The following ADK variants were observed in gnomAD, a reference collection of about 807,000 sequenced individuals.
ADK encodes the protein N6,N6-dimethyladenosine kinase.
ADK carries 24 observed loss-of-function variants against 44.7 expected under a neutral mutation model. The ratio of observed to expected loss-of-function variants is 0.54; its 90% confidence interval spans 0.39 to 0.76. The LOEUF (loss-of-function observed/expected upper bound fraction) is 0.76, where lower values mean the gene tolerates loss of function less well. Ranked by LOEUF, ADK falls within the 30% of genes least tolerant of loss-of-function variation. ADK has a pLI of 0.00. For synonymous variants in ADK, 128 were observed against 142.6 expected (o/e 0.90, Z 0.73); for missense variants, 321 against 425.1 (o/e 0.76, Z 2.15).
chr10:74,558,002 G>A (rs1850323259), intron 7 of ADK, among the ~76,000 whole-genome samples: 1 of 152,104 alleles, frequency 6.6e-6, no homozygotes, highest in Admixed American at 6.6e-5. Context: ...GCTATGTCAG[G>A]GTCAAGGTAT....
chr10:74,554,692 C>T (rs892366397), intron 7 of ADK, among the ~76,000 whole-genome samples: 8 of 151,504 alleles, frequency 5.3e-5, no homozygotes, highest in Non-Finnish European at 1.0e-4. Context: ...TGCCTGAAAT[C>T]CTAGCACTTT....
chr10:74,439,626 T>G (rs1160283929), intron 6 of ADK, among the ~76,000 whole-genome samples: 1 of 152,184 alleles, frequency 6.6e-6, no homozygotes, highest in African/African-American at 2.4e-5. Context: ...ATAATCTGTC[T>G]TGGCTTCCAA....
chr10:74,303,540 A>G (rs1044395193), intron 3 of ADK, among the ~76,000 whole-genome samples: 2 of 146,102 alleles, frequency 1.4e-5, no homozygotes, highest in African/African-American at 5.1e-5. Context: ...GGAAGATGAA[A>G]GAAAGTATCT....
intron 6 of ADK, among the ~76,000 whole-genome samples, chr10:74,460,265 A>G (rs1846123517): frequency 6.6e-6 from 1 of 152,206 alleles, no homozygotes; most frequent in Non-Finnish European, 1.5e-5. Flanking sequence ...TCTGTATACC[A>G]AAACATCCTC....
At chr10:74,229,999 C>T (rs1844692615) in intron 3 of ADK, among the ~76,000 whole-genome samples, 1 of 150,768 alleles carries the variant, frequency 6.6e-6, no homozygotes, top group Admixed American at 6.6e-5. Context: ...TGATCCGTGC[C>T]ACTGTGCTCC....
intron 10 of ADK, among the ~76,000 whole-genome samples, chr10:74,699,232 G>A (rs1444406848): frequency 6.7e-6 from 1 of 149,994 alleles, no homozygotes; most frequent in South Asian, 2.1e-4. Flanking sequence ...GCCTGAGGCT[G>A]TGTTTCAGTG....
At chr10:74,326,757 C>T (rs181895864) in intron 4 of ADK, among the ~76,000 whole-genome samples, 6 of 151,976 alleles carry the variant, frequency 3.9e-5, no homozygotes, top group South Asian at 2.1e-4. Flanking sequence ...TCTATATCTT[C>T]GTAATTAAAT....
intron 4 of ADK, among the ~76,000 whole-genome samples, chr10:74,346,493 T>G (rs1449187458): frequency 2.6e-5 from 4 of 151,874 alleles, no homozygotes; most frequent in African/African-American, 9.7e-5. Flanking sequence ...ATTTTGATTT[T>G]TTTCTATAAA....
At chr10:74,550,119 G>A (rs1038935289) in intron 7 of ADK, among the ~76,000 whole-genome samples, 4 of 147,584 alleles carry the variant, frequency 2.7e-5, no homozygotes, top group African/African-American at 1.0e-4. Context: ...CGCCCAGGCT[G>A]CAGTGCAGTG....
intron 3 of ADK, among the ~76,000 whole-genome samples, chr10:74,263,504 G>A (rs1333208241): frequency 1.3e-5 from 2 of 152,168 alleles, no homozygotes; most frequent in South Asian, 2.1e-4. Flanking sequence ...AAACACCCAT[G>A]TACCCAATCT....
chr10:74,331,481 C>G (rs908573653), intron 4 of ADK, among the ~76,000 whole-genome samples: 2 of 152,020 alleles, frequency 1.3e-5, no homozygotes, highest in African/African-American at 4.8e-5. Context: ...GTCTACATTT[C>G]TATTTATTTA....
At chr10:74,216,681 T>C (rs1220733170) in intron 2 of ADK, among the ~76,000 whole-genome samples, 1 of 148,182 alleles carries the variant, frequency 6.7e-6, no homozygotes, top group Non-Finnish European at 1.5e-5. Flanking sequence ...GCCACAATCA[T>C]GCCACTGTAC....
chr10:74,484,225 A>G (rs1847187100), intron 6 of ADK, among the ~76,000 whole-genome samples: 1 of 152,176 alleles, frequency 6.6e-6, no homozygotes, highest in South Asian at 2.1e-4. Context: ...AAGGGGAAGC[A>G]GGCACATCTT....
At chr10:74,550,304 C>A (rs1294599789) in intron 7 of ADK, among the ~76,000 whole-genome samples, 1 of 152,094 alleles carries the variant, frequency 6.6e-6, no homozygotes. Context: ...CTCCTGACCT[C>A]AGGCGATCCT....
intron 3 of ADK, among the ~76,000 whole-genome samples, chr10:74,254,998 A>T (rs1292878974): frequency 6.6e-6 from 1 of 152,224 alleles, no homozygotes; most frequent in African/African-American, 2.4e-5. Context: ...AACATCAGAT[A>T]TTAAAAATTT....
At chr10:74,647,629 G>T (rs1854101303) in intron 9 of ADK, among the ~76,000 whole-genome samples, 1 of 152,072 alleles carries the variant, frequency 6.6e-6, no homozygotes, top group African/African-American at 2.4e-5. Flanking sequence ...CACATGTATA[G>T]TTCTCCTTTA....
intron 3 of ADK, among the ~76,000 whole-genome samples, chr10:74,297,671 T>C (rs1383638568): frequency 6.6e-6 from 1 of 152,222 alleles, no homozygotes; most frequent in African/African-American, 2.4e-5. Flanking sequence ...GCCTAGAAGT[T>C]AAGAAAGGTT....
At chr10:74,640,354 A>T (rs537961967) in intron 9 of ADK, among the ~76,000 whole-genome samples, 37 of 152,244 alleles carry the variant, frequency 2.4e-4, no homozygotes, top group African/African-American at 8.7e-4. Flanking sequence ...TGCCAACACC[A>T]TATGTGGCTT....
At chr10:74,662,879 C>G (rs748071310) in intron 9 of ADK, among the ~76,000 whole-genome samples, 1 of 152,144 alleles carries the variant, frequency 6.6e-6, no homozygotes, top group Non-Finnish European at 1.5e-5. Flanking sequence ...TAACTCCCCT[C>G]CCTTGTCACA....
Sources: allele counts gnomAD v4.1 joint callset (sites outside exome capture counted in the v4.1 genomes callset), GRCh38; gene constraint gnomAD v4.1.1; transcripts MANE v1.5; gene names NCBI Gene and HGNC (gene_info 2026-07-23, HGNC 2026-07-21).